The following MGAT1 variants were observed in gnomAD, a reference collection of about 807,000 sequenced individuals.
MGAT1 encodes N-glycosyl-oligosaccharide-glycoprotein N-acetylglucosaminyltransferase I.
A neutral mutation model predicts 31.7 loss-of-function variants in MGAT1; 14 were observed. The observed-to-expected ratio is 0.44, with a 90% CI of 0.29 to 0.69. The LOEUF is 0.69. Ranked by LOEUF, MGAT1 falls within the 30% of genes least tolerant of loss-of-function variation. The pLI is 0.12. For missense variants in MGAT1, 557 were observed against 626.0 expected, an observed-to-expected ratio of 0.89 and a Z score of 1.18; for synonymous variants, 338 against 276.0, an observed-to-expected ratio of 1.22 and a Z score of -2.23.
chr5:180,810,138 C>A (rs1772393491), intron 1 of MGAT1: 1 of 151,606 alleles, frequency 6.6e-6, no homozygotes, highest in African/African-American at 2.4e-5. Context: ...CAGGCCCCAC[C>A]CCCTCGACCC....
In MGAT1 at chr5:180,792,716, C is replaced by A; in HGVS notation, c.256G>T (p.Val86Leu). The A allele has an allele frequency of 6.5e-7, 1 of 1,546,928 alleles. No individual in the cohort carries two copies. Residue 86 changes from valine to leucine, a missense_variant, in exon 2 of 2, where the codon GTG (valine) becomes TTG (leucine). Around this residue, in one of 3 missense-constraint regions of MGAT1, gnomAD observed 167 missense variants for 149.8 expected, o/e 1.11. Transcript: ENST00000307826. Reference sequence around the variant, plus strand: ...TGGGCGGGAGGGGCCGCGGTGGGCACCCTCCCCCGCTGGCTCGACAGGGCA... The same window carrying A: ...TGGGCGGGAGGGGCCGCGGTGGGCAACCTCCCCCGCTGGCTCGACAGGGCA... ...GDALSSQRGR[V>L]PTAAPPAQPR...
chr5:180,807,836 T>C (rs886974754), intron 2 of MGAT1, among the ~76,000 whole-genome samples: 3 of 152,270 alleles, frequency 2.0e-5, no homozygotes, highest in African/African-American at 7.2e-5. Context: ...TCTTAGGCTG[T>C]TGCCAGCACA....
At chr5:180,800,738 G>C (rs1421968745) in intron 1 of MGAT1, among the ~76,000 whole-genome samples, 3 of 152,200 alleles carry the variant, frequency 2.0e-5, no homozygotes, top group African/African-American at 7.2e-5. Flanking sequence ...CCCACCACTA[G>C]GTGGGAAGTG....
intron 1 of MGAT1, among the ~76,000 whole-genome samples, chr5:180,797,820 A>T (rs1769811515): frequency 6.6e-6 from 1 of 152,122 alleles, no homozygotes; most frequent in Non-Finnish European, 1.5e-5. Context: ...AGGACATGAC[A>T]CCCCTAGTTC....
In MGAT1 at chr5:180,792,712, G is replaced by C; in HGVS notation, c.260C>G (p.Pro87Arg). Residue 87 changes from proline (P) to arginine (R), a missense_variant, in exon 2 of 2, where the codon CCC (proline) becomes CGC (arginine). Physicochemically the swap from Pro to Arg is moderately radical, Grantham distance 103. Coordinates refer to ENST00000307826, the MANE Select transcript of MGAT1 (RefSeq NM_002406.4). ...CGGCTGGGCGGGAGGGGCCGCGGTG[G>C]GCACCCTCCCCCGCTGGCTCGACAG... ...DALSSQRGRV[P>R]TAAPPAQPRV... 1 of 1,550,178 alleles carries C rather than the reference G, an allele frequency of 6.5e-7. No individual in the cohort carries two copies. Among genetic ancestry groups the C allele is most frequent in the Non-Finnish European group, 8.7e-7 (1 of 1,149,558 alleles).
chr5:180,797,438 G>C (rs961733041), intron 1 of MGAT1, among the ~76,000 whole-genome samples: 24 of 134,136 alleles, frequency 1.8e-4, no homozygotes, highest in African/African-American at 5.3e-4. Flanking sequence ...AAGGGGGGGG[G>C]GGCCCAGAGG....
rs1768463406 is a variant in MGAT1 at position 180,792,722 on chromosome 5, C to G, written c.250G>C (p.Gly84Arg). The G allele has an allele frequency of 1.9e-6, 3 of 1,546,618 alleles. No homozygotes were observed. The highest frequency in any genetic ancestry group is 4.8e-5 in the East Asian group (2 of 41,318). The change falls in exon 2 of 2, where the codon GGG becomes CGG. Residue 84 changes from glycine (G) to arginine (R), a missense_variant. By Grantham distance (125) the Gly-to-Arg change is moderately radical (BLOSUM62 -2). This residue lies in a region of MGAT1 where 167 missense variants were observed against 149.8 expected (regional missense o/e 1.11). Coordinates refer to ENST00000307826, the MANE Select transcript of MGAT1 (RefSeq NM_002406.4). ...QIGDALSSQR[G>R]RVPTAAPPAQ... Reference sequence around the variant, plus strand: ...GGAGGGGCCGCGGTGGGCACCCTCCCCCGCTGGCTCGACAGGGCATCCCCG... The same window carrying G: ...GGAGGGGCCGCGGTGGGCACCCTCCGCCGCTGGCTCGACAGGGCATCCCCG...
chr5:180,812,020 C>T (rs1431588777), intron 1 of MGAT1, among the ~76,000 whole-genome samples: 1 of 152,242 alleles, frequency 6.6e-6, no homozygotes, highest in Non-Finnish European at 1.5e-5. Context: ...CTGCTAGTCT[C>T]CCTTGGCCTG....
chr5:180,792,413 G>A lies in MGAT1; in HGVS notation c.559C>T (p.Arg187Cys), dbSNP rs1184766082. 1.9e-6 allele frequency: 3 copies of A among 1,610,354 alleles called. No homozygotes were observed. Among genetic ancestry groups the A allele is most frequent in the South Asian group, 2.2e-5 (2 of 90,914 alleles). ...RKFQGYYKIA[R>C]HYRWALGQVF... The stretch of plus-strand genomic sequence containing the variant: ...TGGCCCAGCGCCCAGCGGTAGTGGC[G>A]CGCGATCTTGTAGTAGCCCTGGAAC... The change falls in exon 2 of 2, where the codon CGC (arginine) becomes TGC (cysteine). Residue 187 changes from arginine (R) to cysteine (C), a missense_variant. Coordinates refer to ENST00000307826, the MANE Select transcript of MGAT1 (RefSeq NM_002406.4).
At position 180,791,894 on chromosome 5, in the gene MGAT1, C is replaced by A; in HGVS notation, c.1078G>T (p.Ala360Ser). ...QREAYDRDFL[A>S]RVYGAPQLQV... is the part of the protein sequence containing the mutation. ...AGCTGGGGAGCACCGTAGACGCGGGCGAGGAAATCTCGGTCATAGGCCTCC... is the reference window on the plus strand; with the variant it reads ...AGCTGGGGAGCACCGTAGACGCGGGAGAGGAAATCTCGGTCATAGGCCTCC... Residue 360 changes from alanine to serine, a missense_variant, in exon 2 of 2, where the codon GCC becomes TCC. Transcript: ENST00000307826. 3 of 1,614,200 alleles carry A rather than the reference C, an allele frequency of 1.9e-6. No homozygotes were observed. Among genetic ancestry groups the A allele is most frequent in the Non-Finnish European group, 2.5e-6 (3 of 1,180,044 alleles).
intron 1 of MGAT1, among the ~76,000 whole-genome samples, chr5:180,796,512 T>C (rs1245504746): frequency 1.3e-5 from 2 of 152,208 alleles, no homozygotes; most frequent in African/African-American, 2.4e-5. Context: ...GCCATACAGA[T>C]GGATGAAGCT....
chr5:180,804,160 T>C (rs1771493018), upstream of MGAT1, among the ~76,000 whole-genome samples: 1 of 116,790 alleles, frequency 8.6e-6, no homozygotes, highest in African/African-American at 3.2e-5. Flanking sequence ...TCCCTCGGCC[T>C]GTCCTTCAAG....
chr5:180,792,666 C>A lies in MGAT1; in HGVS notation c.306G>T (p.Ala102=), dbSNP rs763103316. Residue 102 remains alanine, a synonymous_variant, in exon 2 of 2, where the codon GCG becomes GCT. Coordinates refer to ENST00000307826, the MANE Select transcript of MGAT1 (RefSeq NM_002406.4). The part of the protein sequence containing the change: ...PAQPRVPVTP[A]PAVIPILVIA... ...TGACCAGGATGGGAATCACCGCCGG[C>A]GCGGGGGTCACAGGCACACGCGGCT... 3.2e-5 allele frequency: 51 copies of A among 1,576,322 alleles called. No individual in the cohort carries two copies. In the South Asian group the frequency reaches 5.4e-4, roughly 17 times the overall value.
chr5:180,792,922 A>G lies in MGAT1; in HGVS notation c.50T>C (p.Phe17Ser). The change falls in exon 2 of 2, where the codon TTT (phenylalanine) becomes TCT (serine). Residue 17 changes from phenylalanine (F) to serine (S), a missense_variant. Physicochemically the swap from Phe to Ser is radical, Grantham distance 155. Coordinates refer to ENST00000307826, the MANE Select transcript of MGAT1 (RefSeq NM_002406.4). ...GAGCAGCAGGGCATTCCAGGCCACAAAGAGGATAGCGCCCCACAGCACAAG... is the reference window on the plus strand; with the variant it reads ...GAGCAGCAGGGCATTCCAGGCCACAGAGAGGATAGCGCCCCACAGCACAAG... ...AGLVLWGAIL[F>S]VAWNALLLLF... The G allele has an allele frequency of 6.2e-7, 1 of 1,613,120 alleles. No homozygotes were observed. Among genetic ancestry groups the G allele is most frequent in the Non-Finnish European group, 8.5e-7 (1 of 1,179,810 alleles).
At chr5:180,811,656 C>T (rs1019521768) in intron 1 of MGAT1, among the ~76,000 whole-genome samples, 5 of 152,156 alleles carry the variant, frequency 3.3e-5, no homozygotes, top group Non-Finnish European at 7.4e-5. Flanking sequence ...CTAGGTCTCC[C>T]TGCCCTCCCT....
At chr5:180,795,678 T>G (rs895879269) in intron 1 of MGAT1, 18 of 152,204 alleles carry the variant, frequency 1.2e-4, no homozygotes, top group Non-Finnish European at 1.8e-4. Flanking sequence ...TTGCAATTTG[T>G]GTAAGTTTGA....
At position 180,791,576 on chromosome 5, in the gene MGAT1, G is replaced by A. The variant is rs1172315700; in HGVS notation, c.*58C>T. 4 of 1,571,580 alleles carry A rather than the reference G, an allele frequency of 2.5e-6. No homozygotes were observed. The African/African-American group carries it at 4.1e-5, about 16-fold the overall frequency. On this transcript the variant is annotated 3_prime_UTR_variant, in exon 2 of 2. Transcript: ENST00000307826. ...GGCAGGCCGATGCAGCCTGGGGACT[G>A]TGGTCCCACCTCAGCTCATGATGTG...
At chr5:180,812,831 G>T (rs1039239965) in intron 1 of MGAT1, among the ~76,000 whole-genome samples, 3 of 151,660 alleles carry the variant, frequency 2.0e-5, no homozygotes, top group African/African-American at 7.3e-5. Context: ...TATAATTGCC[G>T]GTTTTAAAAA....
intron 1 of MGAT1, among the ~76,000 whole-genome samples, chr5:180,801,489 CG>C (rs1770754678): frequency 6.6e-6 from 1 of 151,242 alleles, no homozygotes; most frequent in South Asian, 2.1e-4. Flanking sequence ...AATTTCAGGA[CG>C]GAAAAAAAAG....
Sources: gnomAD v4.1 joint callset for allele counts (sites outside exome capture counted in the v4.1 genomes callset) on GRCh38, gnomAD v4.1.1 for gene constraint, gnomAD v4.1.1 regional missense constraint, MANE v1.5 for transcripts, NCBI Gene and HGNC (gene_info 2026-07-23, HGNC 2026-07-21) for gene names.